The following PPP4R3A variants were observed in gnomAD, a reference collection of about 807,000 sequenced individuals.
PPP4R3A encodes protein phosphatase 4 regulatory subunit 3A, also known as serine/threonine-protein phosphatase 4 regulatory subunit 3A.
Under a neutral mutation model 91.7 loss-of-function variants are expected in PPP4R3A, and 15 were observed. That is an observed-to-expected ratio of 0.16 (90% CI 0.11 to 0.25). PPP4R3A has a LOEUF of 0.25. PPP4R3A is among the 10% of genes least tolerant of loss of function. The probability of loss-of-function intolerance (pLI) is 1.00; values close to 1 mark genes in which losing one functional copy is unlikely to be tolerated. For missense variants in PPP4R3A, 623 were observed against 998.4 expected, an observed-to-expected ratio of 0.62 and a Z score of 5.07; for synonymous variants, 377 against 348.7, an observed-to-expected ratio of 1.08 and a Z score of -0.91.
At chr14:91,477,224 C>T (rs540461838) in intron 4 of PPP4R3A, among the ~76,000 whole-genome samples, 5 of 151,302 alleles carry the variant, frequency 3.3e-5, no homozygotes, top group South Asian at 4.2e-4. Context: ...TTGAGCTTTG[C>T]GGCCCATGTG....
At chr14:91,476,226 C>T (rs1889197481) in intron 6 of PPP4R3A, among the ~76,000 whole-genome samples, 182 bp downstream of exon 6, 1 of 152,234 alleles carries the variant, frequency 6.6e-6, no homozygotes, top group South Asian at 2.1e-4. Flanking sequence ...AATTCCTTTA[C>T]TGCATTCTTT....
At chr14:91,508,288 T>C (rs1008849942) in intron 1 of PPP4R3A, among the ~76,000 whole-genome samples, 16 of 152,230 alleles carry the variant, frequency 1.1e-4, no homozygotes, top group African/African-American at 3.9e-4. Context: ...AGATTACCAC[T>C]TTCAATTTAA....
chr14:91,501,087 C>T (rs1427311637), intron 1 of PPP4R3A, among the ~76,000 whole-genome samples: 1 of 152,146 alleles, frequency 6.6e-6, no homozygotes, highest in East Asian at 1.9e-4. Context: ...AGCTTTTATT[C>T]ATCTGGAAAA....
chr14:91,468,686 AAAAGGAAAAAAG>A, intron 10 of PPP4R3A, among the ~76,000 whole-genome samples: 30 of 147,644 alleles, frequency 2.0e-4, no homozygotes, highest in African/African-American at 7.0e-4. Context: ...AAAAAAAAAA[AAAAGGAAAAAAG>A]AAAAAAAAGA....
chr14:91,494,903 A>G (rs903057526), intron 1 of PPP4R3A, among the ~76,000 whole-genome samples: 4 of 152,188 alleles, frequency 2.6e-5, no homozygotes, highest in Non-Finnish European at 5.9e-5. Context: ...GATACCATTT[A>G]GTACCCACTA....
At chr14:91,459,926 AG>A (rs1385707711) in intron 14 of PPP4R3A, among the ~76,000 whole-genome samples, 2 of 152,028 alleles carry the variant, frequency 1.3e-5, no homozygotes, top group Non-Finnish European at 2.9e-5. Flanking sequence ...ATTAGAGGTT[AG>A]GAAAGCAGTT....
At chr14:91,500,344 G>A (rs1595088229) in intron 1 of PPP4R3A, among the ~76,000 whole-genome samples, 1 of 152,072 alleles carries the variant, frequency 6.6e-6, no homozygotes, top group Non-Finnish European at 1.5e-5. Context: ...GGGACTACAG[G>A]CGCACACCAC....
intron 1 of PPP4R3A, among the ~76,000 whole-genome samples, chr14:91,507,703 G>C (rs539007799): frequency 3.6e-5 from 3 of 83,274 alleles, no homozygotes; most frequent in Non-Finnish European, 7.6e-5. Flanking sequence ...CTGATAGTAC[G>C]ACATTAAACT....
At position 91,485,742 on chromosome 14, in the gene PPP4R3A, T is replaced by C. The variant is rs766919072; in HGVS notation, c.199-12A>G. 8.3e-6 allele frequency: 13 copies of C among 1,569,168 alleles called. No homozygotes were observed. The African/African-American group carries it at 1.8e-4, about 21-fold the overall frequency. On this transcript the variant is annotated splice_polypyrimidine_tract_variant and intron_variant, in intron 2 of 14. Coordinates refer to ENST00000554943, the MANE Select transcript of PPP4R3A (RefSeq NM_001366432.2). ...ACAATCAGAGTGTCCTTTGGAGACATAAAAGGAGTCTGAATGATTAACATA... is the reference window on the plus strand; with the variant it reads ...ACAATCAGAGTGTCCTTTGGAGACACAAAAGGAGTCTGAATGATTAACATA...
At chr14:91,492,533 GTA>G (rs1042412443) in intron 1 of PPP4R3A, among the ~76,000 whole-genome samples, 22 of 152,186 alleles carry the variant, frequency 1.4e-4, no homozygotes, top group African/African-American at 4.3e-4. Context: ...AACTCAATTT[GTA>G]TATGTCTTAT....
At chr14:91,495,206 AG>A (rs1480508049) in intron 1 of PPP4R3A, among the ~76,000 whole-genome samples, 11 of 152,226 alleles carry the variant, frequency 7.2e-5, no homozygotes, top group African/African-American at 2.7e-4. Context: ...AGCTACACAG[AG>A]TAATGAAAAC....
chr14:91,464,510 T>C (rs1346409395), intron 11 of PPP4R3A, among the ~76,000 whole-genome samples: 1 of 152,088 alleles, frequency 6.6e-6, no homozygotes, highest in East Asian at 1.9e-4. Context: ...GCACCTCCAG[T>C]CTCAATTACT....
intron 2 of PPP4R3A, among the ~76,000 whole-genome samples, chr14:91,489,149 C>T (rs6575197): frequency 0.49 from 74,542 of 151,692 alleles, 18,631 homozygotes; most frequent in Admixed American, 0.53. Context: ...CCTCATGATC[C>T]GCCTGCCTCG....
intron 1 of PPP4R3A, among the ~76,000 whole-genome samples, chr14:91,507,037 G>A (rs970311183): frequency 6.6e-6 from 1 of 152,078 alleles, no homozygotes; most frequent in African/African-American, 2.4e-5. Context: ...TATAAATGGA[G>A]GTTCGGCGCA....
In PPP4R3A at chr14:91,473,372, T is replaced by G; in HGVS notation, c.1267-2A>C. On this transcript the variant is annotated splice_acceptor_variant, in intron 7 of 14. Transcript: ENST00000554943. LOFTEE classifies it high-confidence loss of function. The stretch of plus-strand genomic sequence containing the variant: ...AATGAGGTTGATGAGCAAAATATCC[T>G]GGAGAGAAAAATAGACATACTCAGG... 6.2e-7 allele frequency: 1 copy of G among 1,606,040 alleles called. No individual in the cohort carries two copies. Among genetic ancestry groups the G allele is most frequent in the Non-Finnish European group, 8.5e-7 (1 of 1,177,866 alleles).
chr14:91,470,736 A>G (rs958219565), intron 10 of PPP4R3A, 101 bp downstream of exon 10: 2 of 1,339,962 alleles, frequency 1.5e-6, no homozygotes, highest in Non-Finnish European at 1.0e-6. Flanking sequence ...TACGACCTAG[A>G]TCTCCTGACC....
chr14:91,510,331 G>A (rs1172706504), upstream of PPP4R3A: 2 of 152,522 alleles, frequency 1.3e-5, no homozygotes, highest in African/African-American at 4.8e-5. Flanking sequence ...CCAGGGAGCA[G>A]CTGCAGGGGC....
intron 1 of PPP4R3A, among the ~76,000 whole-genome samples, chr14:91,503,989 CGGCCAAGTG>C (rs1891121051): frequency 1.3e-5 from 2 of 151,876 alleles, no homozygotes; most frequent in African/African-American, 4.8e-5. Flanking sequence ...GCACTTTAGG[CGGCCAAGTG>C]GGAAAGATCA....
intron 1 of PPP4R3A, among the ~76,000 whole-genome samples, chr14:91,503,097 C>G (rs1217753766): frequency 6.6e-6 from 1 of 152,220 alleles, no homozygotes; most frequent in African/African-American, 2.4e-5. Flanking sequence ...AAGCAATTCT[C>G]TGGCTTCAGC....
Sources: gnomAD v4.1 joint callset for allele counts (sites outside exome capture counted in the v4.1 genomes callset) on GRCh38, gnomAD v4.1.1 for gene constraint, MANE v1.5 for transcripts, NCBI Gene and HGNC (gene_info 2026-07-23, HGNC 2026-07-21) for gene names.